MAP3K15: variants seen among roughly 807,000 people sequenced by gnomAD.
The protein encoded by MAP3K15 is MAPK/ERK kinase kinase 15.
Under a neutral mutation model 99.5 loss-of-function variants are expected in MAP3K15, and 124 were observed. The observed-to-expected ratio is 1.25, with a 90% CI of 1.08 to 1.45. The LOEUF is 1.45. Among genes scored for constraint, MAP3K15 ranks in the 40% most tolerant of loss-of-function variants. MAP3K15 has a pLI of 0.00. For missense variants in MAP3K15, 1,242 were observed against 1,079.7 expected, an observed-to-expected ratio of 1.15 and a Z score of -2.11; for synonymous variants, 494 against 439.6, an observed-to-expected ratio of 1.12 and a Z score of -1.55.
intron 13 of MAP3K15, 42 bp downstream of exon 13, chrX:19,407,146 G>T: frequency 1.2e-6 from 1 of 807,468 alleles, no homozygotes; most frequent in Non-Finnish European, 1.8e-6. Context: ...AAAATGATTC[G>T]CCATAATTAC....
intron 9 of MAP3K15, among the ~76,000 whole-genome samples, chrX:19,416,667 G>T (rs184335266): frequency 1.3e-3 from 144 of 112,303 alleles, no homozygotes; most frequent in African/African-American, 4.5e-3. Context: ...CCTAAAAATC[G>T]TAGGAGAAAC....
intron 6 of MAP3K15, 93 bp downstream of exon 6, chrX:19,456,820 T>C (rs1279293080): frequency 1.6e-6 from 1 of 614,705 alleles, no homozygotes; most frequent in African/African-American, 2.2e-5. Context: ...ATTTAGCACG[T>C]GACCTGGCTC....
chrX:19,425,043 A>G (rs753789705), intron 9 of MAP3K15, among the ~76,000 whole-genome samples: 85 of 111,369 alleles, frequency 7.6e-4, no homozygotes, highest in African/African-American at 2.7e-3. Context: ...TTCTTACTCT[A>G]CAACAAACCA....
chrX:19,421,874 C>T (rs908079283), intron 9 of MAP3K15, among the ~76,000 whole-genome samples: 1 of 109,182 alleles, frequency 9.2e-6, no homozygotes, highest in African/African-American at 3.5e-5. Context: ...GAAATAATGC[C>T]GCATAGCTAC....
intron 5 of MAP3K15, among the ~76,000 whole-genome samples, chrX:19,459,685 T>C (rs2064117444): frequency 8.9e-6 from 1 of 111,780 alleles, no homozygotes. Context: ...ACCCTGTCTC[T>C]ACTAAAAATA....
intron 9 of MAP3K15, among the ~76,000 whole-genome samples, chrX:19,420,494 T>C (rs1317141641): frequency 1.8e-5 from 2 of 111,059 alleles, no homozygotes; most frequent in East Asian, 2.8e-4. Flanking sequence ...CAGGAAGAAG[T>C]TGAATCTCTG....
Position 19,398,320 on chromosome X carries a change from A to G in MAP3K15, c.1972T>C (p.Leu658=), listed in dbSNP as rs377337011. 7.4e-5 allele frequency: 90 copies of G among 1,209,569 alleles called. No individual in the cohort carries two copies. The highest frequency in any genetic ancestry group is 9.7e-5 in the Non-Finnish European group (87 of 895,097). Residue 658 remains leucine, a synonymous_variant, in exon 15 of 29, where the codon TTG becomes CTG. Coordinates refer to ENST00000338883, the MANE Select transcript of MAP3K15 (RefSeq NM_001001671.4). The part of the protein sequence containing the change: ...DHDANGERVV[L]GKGTYGIVYA... ...ACAATCCCATACGTGCCTTTCCCCA[A>G]GACAACTCTCTCACCATTTGCATCA...
chrX:19,360,603 G>GTATT lies in MAP3K15; in HGVS notation c.*142_*145dup. 6 of 459,793 alleles carry GTATT rather than the reference G, an allele frequency of 1.3e-5. No individual in the cohort carries two copies. The highest frequency in any genetic ancestry group is 1.9e-5 in the Non-Finnish European group (5 of 267,324). 37.9% of individuals were successfully genotyped at this position (459,793 alleles called of 1,213,427 possible). On this transcript the variant is annotated 3_prime_UTR_variant, in exon 29 of 29. Coordinates refer to ENST00000338883, the MANE Select transcript of MAP3K15 (RefSeq NM_001001671.4). The stretch of plus-strand genomic sequence containing the variant: ...CAGGTTTCAAAAGAAACTCAGGACA[G>GTATT]TATTTAAAACAAGTTCTTAAACTAT...
intron 25 of MAP3K15, among the ~76,000 whole-genome samples, chrX:19,367,723 A>ACTTTTTTTTTTT (rs2063344451): frequency 4.1e-5 from 1 of 24,107 alleles, no homozygotes; most frequent in African/African-American, 1.3e-4. Flanking sequence ...ATAACTATGG[A>ACTTTTTTTTTTT]TTTTTTTTTT....
intron 1 of MAP3K15, chrX:19,497,606 T>C (rs1204194893): frequency 8.9e-6 from 1 of 111,857 alleles, no homozygotes; most frequent in African/African-American, 3.2e-5. Context: ...TGGAGACCAA[T>C]GAAGCACTTT....
intron 3 of MAP3K15, among the ~76,000 whole-genome samples, chrX:19,474,085 G>A (rs1264954297): frequency 9.0e-6 from 1 of 111,547 alleles, no homozygotes; most frequent in Non-Finnish European, 1.9e-5. Flanking sequence ...ACAAATTTAA[G>A]GTTCTTAATA....
intron 25 of MAP3K15, among the ~76,000 whole-genome samples, chrX:19,366,063 A>C (rs1449812872): frequency 2.8e-5 from 3 of 108,541 alleles, no homozygotes; most frequent in African/African-American, 1.0e-4. Flanking sequence ...TTGCCATGAG[A>C]AGTCACTGCA....
chrX:19,496,217 C>T (rs1459409250), intron 1 of MAP3K15, among the ~76,000 whole-genome samples: 1 of 109,900 alleles, frequency 9.1e-6, no homozygotes, highest in African/African-American at 3.3e-5. Context: ...CAGGTGTGCA[C>T]CACCACGCCA....
At position 19,431,621 on chromosome X, in the gene MAP3K15, T is replaced by C. The variant is rs774620649; in HGVS notation, c.996-13A>G. On this transcript the variant is annotated splice_polypyrimidine_tract_variant and intron_variant, in intron 6 of 28. Coordinates refer to ENST00000338883, the MANE Select transcript of MAP3K15 (RefSeq NM_001001671.4). ...TGTGCTGTTTCTCCTGAAAGATAGA[T>C]GTTATAAGGTCACAAATGAATCAAT... is the stretch of plus-strand genomic sequence containing the variant. 1.7e-6 allele frequency: 2 copies of C among 1,184,458 alleles called. No individual in the cohort carries two copies. The highest frequency in any genetic ancestry group is 3.0e-5 in the East Asian group (1 of 33,582).
intron 14 of MAP3K15, among the ~76,000 whole-genome samples, chrX:19,398,980 G>A (rs1260146585): frequency 2.7e-5 from 3 of 112,195 alleles, no homozygotes; most frequent in African/African-American, 6.5e-5. Flanking sequence ...GTGACTGTAC[G>A]CTGAGCAACA....
At chrX:19,498,593 G>A (rs982482808) in intron 1 of MAP3K15, among the ~76,000 whole-genome samples, 17 of 111,870 alleles carry the variant, frequency 1.5e-4, no homozygotes, top group Non-Finnish European at 2.3e-4. Context: ...TTTTTGCTCC[G>A]GAAGGCAGAA....
chrX:19,391,674 C>CAAAAAAAAAAAAAAA (rs759061873), intron 18 of MAP3K15, among the ~76,000 whole-genome samples: 1 of 28,533 alleles, frequency 3.5e-5, no homozygotes, highest in Admixed American at 5.2e-4. Context: ...GACCCCGTCT[C>CAAAAAAAAAAAAAAA]AAAAAAAAAA....
chrX:19,423,016 C>T (rs1450943647), intron 9 of MAP3K15, among the ~76,000 whole-genome samples: 3 of 63,654 alleles, frequency 4.7e-5, no homozygotes, highest in East Asian at 5.9e-4. Context: ...CACCACACAC[C>T]GGGGCCTGTT....
intron 9 of MAP3K15, among the ~76,000 whole-genome samples, chrX:19,424,309 C>CATATATATACACAT (rs2063813287): frequency 9.7e-6 from 1 of 103,077 alleles, no homozygotes; most frequent in African/African-American, 3.8e-5. Context: ...TATATACACA[C>CATATATATACACAT]ATATATATAC....
Sources: allele counts gnomAD v4.1 joint callset (sites outside exome capture counted in the v4.1 genomes callset), GRCh38; gene constraint gnomAD v4.1.1; transcripts MANE v1.5; gene names NCBI Gene and HGNC (gene_info 2026-07-23, HGNC 2026-07-21).